GSE1: variants seen among roughly 807,000 people sequenced by gnomAD.
The protein encoded by GSE1 is genetic suppressor element 1.
In GSE1, 32 loss-of-function variants were observed where a neutral mutation model predicts 112.6. The observed-to-expected ratio is 0.28, with a 90% CI of 0.21 to 0.38. The LOEUF (loss-of-function observed/expected upper bound fraction) is 0.38, where lower values mean the gene tolerates loss of function less well. Among genes scored for constraint, GSE1 ranks in the 10% least tolerant of loss-of-function variants. The pLI, the probability that GSE1 is intolerant of heterozygous loss-of-function variation, is 1.00. For missense variants in GSE1, 2,348 were observed against 1,699.2 expected (o/e 1.38, Z -6.71); for synonymous variants, 1,115 against 735.6 (o/e 1.52, Z -8.35).
chr16:85,396,135 G>A (rs1348538793), intron 2 of GSE1, among the ~76,000 whole-genome samples: 3 of 152,176 alleles, frequency 2.0e-5, no homozygotes, highest in Non-Finnish European at 4.4e-5. Context: ...AAAACTCACT[G>A]GGACCCCATG....
intron 2 of GSE1, among the ~76,000 whole-genome samples, chr16:85,430,155 A>G (rs1477683525): frequency 6.6e-6 from 1 of 152,196 alleles, no homozygotes; most frequent in Non-Finnish European, 1.5e-5. Flanking sequence ...CCCAGGGGCG[A>G]GGCTAGGAAC....
At chr16:85,356,812 G>A (rs1313072766) in intron 1 of GSE1, among the ~76,000 whole-genome samples, 1 of 152,156 alleles carries the variant, frequency 6.6e-6, no homozygotes, top group Admixed American at 6.5e-5. Flanking sequence ...TTGTCATGTT[G>A]TAATCAAGGC....
chr16:85,665,382 C>A (rs954967879), intron 12 of GSE1, among the ~76,000 whole-genome samples: 3 of 152,182 alleles, frequency 2.0e-5, no homozygotes, highest in African/African-American at 7.2e-5. Flanking sequence ...TCACTATGGT[C>A]GTAGTAACCG....
intron 2 of GSE1, among the ~76,000 whole-genome samples, chr16:85,519,567 T>TCACCTTCAC (rs1555526328): frequency 5.0e-3 from 6 of 1,204 alleles, no homozygotes; most frequent in Admixed American, 0.01. Context: ...ACTATCATCA[T>TCACCTTCAC]CACCATCACC....
rs565756901 is a variant in GSE1, at chr16:85,501,658, C to T, written c.2465-132256C>T. Among the ~76,000 whole-genome samples, 4 of 151,820 alleles carry T rather than the reference C, an allele frequency of 2.6e-5. No individual in the cohort carries two copies. The South Asian group carries it at 8.3e-4, about 32-fold the overall frequency. On this transcript the variant is annotated intron_variant, in intron 2 of 2. Transcript: ENST00000637419. ...ACCCTCCCACCTCGGCCTCCCAAAG[C>T]GCTAGGATTACAGGCGTGAGCCACT...
Position 85,671,112 on chromosome 16 carries a change from G to GTTTC in GSE1, c.3519+14_3519+15insTTTC. Reference sequence around the variant, plus strand: ...CACAGCGTGGCGGTGAGTTGGGAAGGGATGGAAACCTTCAAACACGCAACC... The same window carrying GTTTC: ...CACAGCGTGGCGGTGAGTTGGGAAGGTTTCGATGGAAACCTTCAAACACGCAACC... On this transcript the variant is annotated intron_variant, in intron 15 of 15. Coordinates refer to ENST00000253458, the MANE Select transcript of GSE1 (RefSeq NM_014615.5). The GTTTC allele has an allele frequency of 1.3e-6, 2 of 1,490,206 alleles. No individual in the cohort carries two copies. Among genetic ancestry groups the GTTTC allele is most frequent in the Non-Finnish European group, 1.9e-6 (2 of 1,069,404 alleles). 92.3% of individuals were successfully genotyped at this position (1,490,206 alleles called of 1,614,324 possible).
intron 2 of GSE1, among the ~76,000 whole-genome samples, chr16:85,428,289 C>T (rs1208802164): frequency 3.3e-5 from 5 of 152,184 alleles, no homozygotes; most frequent in Non-Finnish European, 4.4e-5. Flanking sequence ...AGGATTCCCT[C>T]GTGCCTTGGT....
At chr16:85,426,089 G>A (rs2048976594) in intron 2 of GSE1, among the ~76,000 whole-genome samples, 1 of 80,414 alleles carries the variant, frequency 1.2e-5, no homozygotes, top group African/African-American at 3.3e-5. Flanking sequence ...ATGGATGGGT[G>A]AATGAGAGGG....
chr16:85,274,687 GT>G (rs1909180793), intron 1 of GSE1, among the ~76,000 whole-genome samples: 1 of 152,224 alleles, frequency 6.6e-6, no homozygotes, highest in Admixed American at 6.5e-5. Flanking sequence ...TTAGGTGCCT[GT>G]CCCCCTCTCG....
intron 1 of GSE1, among the ~76,000 whole-genome samples, chr16:85,580,491 C>G (rs997528989): frequency 6.6e-6 from 1 of 152,184 alleles, no homozygotes; most frequent in Non-Finnish European, 1.5e-5. Flanking sequence ...CCTCTCAGAC[C>G]TCTGCTCTCA....
intron 2 of GSE1, among the ~76,000 whole-genome samples, chr16:85,468,007 C>G (rs1033197383): frequency 1.3e-5 from 2 of 152,124 alleles, no homozygotes; most frequent in Admixed American, 1.3e-4. Context: ...TGCCTTCTCT[C>G]GAGCCAGTGA....
intron 1 of GSE1, among the ~76,000 whole-genome samples, chr16:85,234,847 A>C (rs1339169590): frequency 1.3e-5 from 2 of 152,230 alleles, no homozygotes; most frequent in African/African-American, 2.4e-5. Flanking sequence ...AATACGGCCC[A>C]GCTGGGGGAT....
At chr16:85,365,608 G>A (rs949077570) in intron 2 of GSE1, among the ~76,000 whole-genome samples, 6 of 152,218 alleles carry the variant, frequency 3.9e-5, no homozygotes, top group Middle Eastern at 3.2e-3. Context: ...CCACAGGGCC[G>A]TAAGGGTGCG....
chr16:85,436,344 G>A (rs1177709618), intron 2 of GSE1, among the ~76,000 whole-genome samples: 2 of 152,264 alleles, frequency 1.3e-5, no homozygotes, highest in East Asian at 1.9e-4. Context: ...CACTGTCTCC[G>A]GCCACTGTGG....
intron 1 of GSE1, among the ~76,000 whole-genome samples, chr16:85,572,066 A>T (rs1012597860): frequency 2.6e-5 from 4 of 151,358 alleles, no homozygotes; most frequent in Non-Finnish European, 5.9e-5. Flanking sequence ...CACACCATAC[A>T]CACAACCACA....
intron 2 of GSE1, among the ~76,000 whole-genome samples, chr16:85,455,516 T>C (rs751441961): frequency 1.3e-5 from 2 of 152,178 alleles, no homozygotes; most frequent in Non-Finnish European, 2.9e-5. Context: ...CACCCCATGC[T>C]CAGGCCGGTG....
chr16:85,583,864 C>T (rs2046565547), intron 1 of GSE1, among the ~76,000 whole-genome samples: 1 of 152,202 alleles, frequency 6.6e-6, no homozygotes, highest in African/African-American at 2.4e-5. Context: ...GCCTCTGCTC[C>T]CAGGGAGGGG....
chr16:85,342,015 C>T (rs2046634308), intron 1 of GSE1, among the ~76,000 whole-genome samples: 1 of 152,124 alleles, frequency 6.6e-6, no homozygotes. Context: ...GGGCTGCCTG[C>T]CGTCCCTCCA....
chr16:85,602,030 G>A (rs1001156511), intron 1 of GSE1, among the ~76,000 whole-genome samples: 4 of 152,168 alleles, frequency 2.6e-5, no homozygotes, highest in African/African-American at 7.2e-5. Flanking sequence ...CCTGGAGGAA[G>A]AGAGAGTGCA....
Sources: allele counts gnomAD v4.1 joint callset (sites outside exome capture counted in the v4.1 genomes callset), GRCh38; gene constraint gnomAD v4.1.1; transcripts MANE v1.5; gene names NCBI Gene and HGNC (gene_info 2026-07-23, HGNC 2026-07-21).